Variants in RPRD2 observed in about 807,000 individuals in gnomAD.
RPRD2 encodes the protein regulation of nuclear pre-mRNA domain-containing protein 2.
In RPRD2, 12 loss-of-function variants were observed where a neutral mutation model predicts 104.4. The ratio of observed to expected loss-of-function variants is 0.11; its 90% CI spans 0.07 to 0.19. RPRD2 has a LOEUF of 0.19. Among genes scored for constraint, RPRD2 ranks in the 10% least tolerant of loss-of-function variants. The probability of loss-of-function intolerance (pLI) is 1.00; values close to 1 mark genes in which losing one functional copy is unlikely to be tolerated. For missense variants in RPRD2, 1,543 were observed against 1,790.1 expected, an observed-to-expected ratio of 0.86 and a Z score of 2.49; for synonymous variants, 714 against 684.9, an observed-to-expected ratio of 1.04 and a Z score of -0.66.
chr1:150,438,500 G>A (rs1287420004), intron 2 of RPRD2, among the ~76,000 whole-genome samples: 2 of 151,644 alleles, frequency 1.3e-5, no homozygotes, highest in African/African-American at 2.4e-5. Context: ...GTGGTGGCAG[G>A]CGCCTATAAT....
At position 150,472,783 on chromosome 1, in the gene RPRD2, C is replaced by T; in HGVS notation, c.3835C>T (p.His1279Tyr). Reference sequence around the variant, plus strand: ...ACCTCCTCCTCCCCCTCCTGGGGAACATAGCAGCAGTGGTGGGAGTGGTGT... The same window carrying T: ...ACCTCCTCCTCCCCCTCCTGGGGAATATAGCAGCAGTGGTGGGAGTGGTGT... Reference protein sequence around the residue: ...TPPPPPPPGEHSSSGGSGVPF... With the variant: ...TPPPPPPPGEYSSSGGSGVPF... Residue 1279 changes from histidine to tyrosine, a missense_variant, in exon 11 of 11, where the codon CAT (histidine) becomes TAT (tyrosine). Physicochemically the swap from His to Tyr is moderately conservative, Grantham distance 83. This residue lies in a region of RPRD2 where 880 missense variants were observed against 885.6 expected (regional missense o/e 0.99). Coordinates refer to ENST00000369068, the MANE Select transcript of RPRD2 (RefSeq NM_015203.5). 6.2e-7 allele frequency: 1 copy of T among 1,609,926 alleles called. No individual in the cohort carries two copies. Among genetic ancestry groups the T allele is most frequent in the South Asian group, 1.1e-5 (1 of 90,976 alleles).
At chr1:150,439,025 G>C (rs901111582) in intron 2 of RPRD2, among the ~76,000 whole-genome samples, 4 of 151,950 alleles carry the variant, frequency 2.6e-5, no homozygotes, top group Non-Finnish European at 5.9e-5. Context: ...AGTAGAGACG[G>C]GGTTTCACCA....
chr1:150,364,789 C>T lies in RPRD2; in HGVS notation c.75C>T (p.Ser25=). ...CCTCTTCGGCAGGGGCTCTGGAGTC[C>T]TCGTTGGATCGAAAATTCCAGTCGG... The part of the protein sequence containing the change: ...SSASSAGALE[S]SLDRKFQSVT... The change falls in exon 1 of 11, where the codon TCC becomes TCT. Residue 25 remains serine, a synonymous_variant. Coordinates refer to ENST00000369068, the MANE Select transcript of RPRD2 (RefSeq NM_015203.5). 1 of 1,613,302 alleles carries T rather than the reference C, an allele frequency of 6.2e-7. No homozygotes were observed. The highest frequency in any genetic ancestry group is 8.5e-7 in the Non-Finnish European group (1 of 1,179,596).
At chr1:150,452,296 G>T (rs1216208797) in intron 7 of RPRD2, among the ~76,000 whole-genome samples, 3 of 152,118 alleles carry the variant, frequency 2.0e-5, no homozygotes, top group Non-Finnish European at 2.9e-5. Flanking sequence ...CCAGGAAATG[G>T]CAAGGAAGAA....
chr1:150,408,705 A>G (rs1315694775), intron 1 of RPRD2, among the ~76,000 whole-genome samples: 1 of 152,214 alleles, frequency 6.6e-6, no homozygotes, highest in Non-Finnish European at 1.5e-5. Context: ...ATTTATAGAC[A>G]TGTACTTATT....
At chr1:150,429,155 C>A (rs192741601) in intron 2 of RPRD2, among the ~76,000 whole-genome samples, 2 of 148,680 alleles carry the variant, frequency 1.3e-5, no homozygotes, top group African/African-American at 5.0e-5. Context: ...TGCAGTGGTG[C>A]GATCTCAGCT....
At chr1:150,438,353 C>T (rs968558077) in intron 2 of RPRD2, among the ~76,000 whole-genome samples, 1 of 151,478 alleles carries the variant, frequency 6.6e-6, no homozygotes, top group Non-Finnish European at 1.5e-5. Flanking sequence ...AGGCCAGGTG[C>T]GGTGGCTCAC....
intron 1 of RPRD2, among the ~76,000 whole-genome samples, chr1:150,400,114 G>T (rs1553885029): frequency 2.6e-5 from 4 of 152,174 alleles, no homozygotes; most frequent in African/African-American, 9.7e-5. Flanking sequence ...TTTACTAGGT[G>T]ATAATCTAAG....
rs766255801 is a variant in RPRD2, at chr1:150,470,758, A to G, written c.1810A>G (p.Thr604Ala). The part of the protein sequence containing the change: ...PNSSTSEVSS[T>A]SASKASIGQS... ...CTCATCAACTTCTGAAGTCTCTTCA[A>G]CTTCAGCCAGCAAGGCCTCAATTGG... The change falls in exon 11 of 11, where the codon ACT becomes GCT. Residue 604 changes from threonine (T) to alanine (A), a missense_variant. Thr to Ala is a moderately conservative substitution (Grantham distance 58). Transcript: ENST00000369068. 4.3e-6 allele frequency: 7 copies of G among 1,613,918 alleles called. No homozygotes were observed. Among genetic ancestry groups the G allele is most frequent in the East Asian group, 4.5e-5 (2 of 44,900 alleles).
At position 150,473,210 on chromosome 1, in the gene RPRD2, T is replaced by C. The variant is rs1178953712; in HGVS notation, c.4262T>C (p.Phe1421Ser). 1.5e-5 allele frequency: 25 copies of C among 1,613,842 alleles called. No individual in the cohort carries two copies. Among genetic ancestry groups the C allele is most frequent in the Non-Finnish European group, 2.1e-5 (25 of 1,179,864 alleles). Residue 1421 changes from phenylalanine (F) to serine (S), a missense_variant, in exon 11 of 11, where the codon TTT becomes TCT. Physicochemically the swap from Phe to Ser is radical, Grantham distance 155. Coordinates refer to ENST00000369068, the MANE Select transcript of RPRD2 (RefSeq NM_015203.5). ...ATCTTACGGAGTCCCCGGCCAGACTTTCGGCCTAGGGAACCTTTTCTCAGC... is the reference window on the plus strand; with the variant it reads ...ATCTTACGGAGTCCCCGGCCAGACTCTCGGCCTAGGGAACCTTTTCTCAGC... ...GIILRSPRPD[F>S]RPREPFLSRD...
intron 1 of RPRD2, among the ~76,000 whole-genome samples, chr1:150,400,291 A>G (rs1159090160): frequency 6.6e-6 from 1 of 152,190 alleles, no homozygotes; most frequent in Non-Finnish European, 1.5e-5. Context: ...CTATATGGAT[A>G]AATCATGTCT....
chr1:150,442,570 A>G (rs1055730508), intron 4 of RPRD2, among the ~76,000 whole-genome samples: 4 of 152,206 alleles, frequency 2.6e-5, no homozygotes, highest in Admixed American at 6.5e-5. Flanking sequence ...GGAACAAAGT[A>G]AAAGACAGTG....
Position 150,460,146 on chromosome 1 carries a change from T to G in RPRD2, c.1240T>G (p.Ser414Ala). ...GCCAACAGAAAATATCTCAAAGGCC[T>G]CTTCATGTACCCCAGTGCCTGTGAC... ...TKPTENISKA[S>A]SCTPVPVTMT... The change falls in exon 9 of 11, where the codon TCT becomes GCT. Residue 414 changes from serine to alanine, a missense_variant. Transcript: ENST00000369068. 1 of 1,613,940 alleles carries G rather than the reference T, an allele frequency of 6.2e-7. No homozygotes were observed. Among genetic ancestry groups the G allele is most frequent in the Non-Finnish European group, 8.5e-7 (1 of 1,179,852 alleles).
chr1:150,374,680 G>A (rs1475161630), intron 1 of RPRD2, among the ~76,000 whole-genome samples: 1 of 152,174 alleles, frequency 6.6e-6, no homozygotes, highest in Non-Finnish European at 1.5e-5. Context: ...CATACATTTG[G>A]TCAAAGAAGT....
At chr1:150,402,053 G>T (rs1023768036) in intron 1 of RPRD2, among the ~76,000 whole-genome samples, 9 of 151,504 alleles carry the variant, frequency 5.9e-5, no homozygotes, top group African/African-American at 1.9e-4. Flanking sequence ...TCTGCTTCCC[G>T]GGTTCAAGCA....
At chr1:150,432,978 A>T (rs587618044) in intron 2 of RPRD2, among the ~76,000 whole-genome samples, 2 of 152,234 alleles carry the variant, frequency 1.3e-5, no homozygotes, top group South Asian at 4.1e-4. Flanking sequence ...ACCCTGTCTC[A>T]AGGTGAGGGG....
chr1:150,379,118 T>TA (rs138017373), intron 1 of RPRD2, among the ~76,000 whole-genome samples: 48,362 of 146,690 alleles, frequency 0.33, 8,474 homozygotes, highest in Non-Finnish European at 0.4. Flanking sequence ...CTGTGTCTAC[T>TA]AAAAAAAAAC....
In RPRD2 at chr1:150,464,684, T is replaced by C; in HGVS notation, c.1569T>C (p.Ser523=). The C allele has an allele frequency of 6.2e-7, 1 of 1,613,082 alleles. No individual in the cohort carries two copies. Among genetic ancestry groups the C allele is most frequent in the Non-Finnish European group, 8.5e-7 (1 of 1,179,510 alleles). Reference sequence around the variant, plus strand: ...AGATCACCCCAGAGAGCATTCTGTCTGCACTTTCCAAAACCCAGACACAGT... The same window carrying C: ...AGATCACCCCAGAGAGCATTCTGTCCGCACTTTCCAAAACCCAGACACAGT... ...KVEITPESIL[S]ALSKTQTQSA... The change falls in exon 10 of 11, where the codon TCT becomes TCC. Residue 523 remains serine, a synonymous_variant. Coordinates refer to ENST00000369068, the MANE Select transcript of RPRD2 (RefSeq NM_015203.5).
intron 1 of RPRD2, among the ~76,000 whole-genome samples, chr1:150,391,568 C>T (rs1662068095): frequency 6.6e-6 from 1 of 152,272 alleles, no homozygotes; most frequent in South Asian, 2.1e-4. Flanking sequence ...AAGAGTAAAT[C>T]TGAATGAACA....
Sources: gnomAD v4.1 joint callset for allele counts (sites outside exome capture counted in the v4.1 genomes callset) on GRCh38, gnomAD v4.1.1 for gene constraint, gnomAD v4.1.1 regional missense constraint, MANE v1.5 for transcripts, NCBI Gene and HGNC (gene_info 2026-07-23, HGNC 2026-07-21) for gene names.